The following SLC22A23 variants were observed in gnomAD, a reference collection of about 807,000 sequenced individuals.
SLC22A23 encodes the protein ion transporter protein.
SLC22A23 carries 26 observed loss-of-function variants against 61.0 expected under a neutral mutation model. The observed-to-expected ratio is 0.43, with a 90% CI of 0.31 to 0.59. The LOEUF (loss-of-function observed/expected upper bound fraction) is 0.59. SLC22A23 is among the 20% of genes least tolerant of loss of function. The pLI, the probability that SLC22A23 is intolerant of heterozygous loss-of-function variation, is 0.11. For missense variants in SLC22A23, 796 were observed against 934.7 expected (o/e 0.85, Z 1.94); for synonymous variants, 430 against 413.9 (o/e 1.04, Z -0.47).
intron 3 of SLC22A23, among the ~76,000 whole-genome samples, chr6:3,346,672 C>T (rs1427929624): frequency 3.3e-5 from 5 of 152,194 alleles, no homozygotes; most frequent in Non-Finnish European, 4.4e-5. Flanking sequence ...CCCAGCTGCA[C>T]CATCCCACAG....
intron 4 of SLC22A23, among the ~76,000 whole-genome samples, chr6:3,298,487 C>T (rs1486747177): frequency 6.6e-6 from 1 of 151,520 alleles, no homozygotes; most frequent in Non-Finnish European, 1.5e-5. Context: ...AAAGTGATCT[C>T]ATAGAAGTAA....
At chr6:3,403,506 G>A (rs991158669) in intron 3 of SLC22A23, among the ~76,000 whole-genome samples, 2 of 152,234 alleles carry the variant, frequency 1.3e-5, no homozygotes, top group African/African-American at 2.4e-5. Context: ...TGGGGAAAGG[G>A]AAGCTGTTAA....
chr6:3,335,028 A>G (rs1003065992), intron 3 of SLC22A23, among the ~76,000 whole-genome samples: 1 of 152,226 alleles, frequency 6.6e-6, no homozygotes, highest in Non-Finnish European at 1.5e-5. Context: ...CAATAAAAAG[A>G]AAAGTTGAGG....
chr6:3,376,842 T>G (rs1766601455), intron 3 of SLC22A23, among the ~76,000 whole-genome samples: 1 of 151,742 alleles, frequency 6.6e-6, no homozygotes, highest in Admixed American at 6.6e-5. Context: ...GTGGGGGAGA[T>G]GGGAAGAAGA....
rs1433633529 is a variant in SLC22A23, at chr6:3,298,112, C to T, written c.1189G>A (p.Asp397Asn). 5 of 1,572,500 alleles carry T rather than the reference C, an allele frequency of 3.2e-6. No homozygotes were observed. The highest frequency in any genetic ancestry group is 4.3e-6 in the Non-Finnish European group (5 of 1,162,930). ...TQKNRMNPEG[D>N]IKGVIPELEK... is the part of the protein sequence containing the mutation. ...TCACCTGGTATCACACCCTTGATGTCGCCCTCAGGGTTCATGCGATTCTTC... is the reference window on the plus strand; with the variant it reads ...TCACCTGGTATCACACCCTTGATGTTGCCCTCAGGGTTCATGCGATTCTTC... The change falls in exon 5 of 10, where the codon GAC becomes AAC. Residue 397 changes from aspartate (D) to asparagine (N), a missense_variant. Coordinates refer to ENST00000406686, the MANE Select transcript of SLC22A23 (RefSeq NM_015482.2).
At chr6:3,393,191 G>T (rs748863577) in intron 3 of SLC22A23, among the ~76,000 whole-genome samples, 2 of 152,180 alleles carry the variant, frequency 1.3e-5, no homozygotes, top group Non-Finnish European at 2.9e-5. Flanking sequence ...GAGCAGCGGG[G>T]GTGACGAAAG....
At chr6:3,343,475 A>G (rs1312255217) in intron 3 of SLC22A23, among the ~76,000 whole-genome samples, 2 of 150,052 alleles carry the variant, frequency 1.3e-5, no homozygotes, top group African/African-American at 5.0e-5. Flanking sequence ...ACACACACGC[A>G]CACACACACA....
chr6:3,370,519 G>GGCGGTGGC (rs1459068071), intron 3 of SLC22A23, among the ~76,000 whole-genome samples: 3 of 152,274 alleles, frequency 2.0e-5, no homozygotes, highest in Non-Finnish European at 2.9e-5. Flanking sequence ...CAGCCCTTGA[G>GGCGGTGGC]GCGGTGGCCA....
chr6:3,434,985 A>G (rs1314632432), intron 1 of SLC22A23, among the ~76,000 whole-genome samples: 1 of 152,154 alleles, frequency 6.6e-6, no homozygotes, highest in African/African-American at 2.4e-5. Context: ...CAAAGGCAAG[A>G]AAAACAGCCC....
chr6:3,417,028 A>G (rs1769763163), intron 1 of SLC22A23, among the ~76,000 whole-genome samples: 1 of 152,038 alleles, frequency 6.6e-6, no homozygotes, highest in Non-Finnish European at 1.5e-5. Flanking sequence ...CTTAGAGGGC[A>G]CTGTAAGCTC....
intron 3 of SLC22A23, among the ~76,000 whole-genome samples, chr6:3,352,083 G>GT (rs1764803255): frequency 1.4e-5 from 2 of 146,836 alleles, no homozygotes; most frequent in South Asian, 4.4e-4. Flanking sequence ...GGCTGCTGGA[G>GT]TGCTGAGAGG....
rs1341735264 is a variant in SLC22A23 at position 3,273,212 on chromosome 6, T to C, written c.1904A>G (p.His635Arg). The C allele has an allele frequency of 1.9e-6, 3 of 1,613,194 alleles. No individual in the cohort carries two copies. Among genetic ancestry groups the C allele is most frequent in the Admixed American group, 1.7e-5 (1 of 59,978 alleles). Residue 635 changes from histidine to arginine, a missense_variant, in exon 10 of 10, where the codon CAC becomes CGC. Transcript: ENST00000406686. Reference sequence around the variant, plus strand: ...CGGCAGCAGCGGCTGGCGCGTGTAGTGCTCCCCGTTAGAAATGTTCTCAGG... The same window carrying C: ...CGGCAGCAGCGGCTGGCGCGTGTAGCGCTCCCCGTTAGAAATGTTCTCAGG... ...NLPENISNGEHYTRQPLLPHK... is the reference protein window; with the variant it reads ...NLPENISNGERYTRQPLLPHK...
At chr6:3,420,563 ACTAC>A (rs1412422216) in intron 1 of SLC22A23, among the ~76,000 whole-genome samples, 1 of 152,196 alleles carries the variant, frequency 6.6e-6, no homozygotes, top group African/African-American at 2.4e-5. Flanking sequence ...AGGGGGAAAA[ACTAC>A]CTAAGGAAAC....
rs138601825 is a variant in SLC22A23 at position 3,431,201 on chromosome 6, G to A, written c.655-15346C>T. On this transcript the variant is annotated intron_variant, in intron 1 of 9. Transcript: ENST00000406686. ...GGACTGGACACTGAGTGAGATGGGCGTGGGGGCAGGTCCTGTGAGGACACA... is the reference window on the plus strand; with the variant it reads ...GGACTGGACACTGAGTGAGATGGGCATGGGGGCAGGTCCTGTGAGGACACA... Among the ~76,000 whole-genome samples, 243 of 152,330 alleles carry A rather than the reference G, an allele frequency of 1.6e-3. 2 individuals carry two copies. Among genetic ancestry groups the A allele is most frequent in the African/African-American group, 5.5e-3 (227 of 41,564 alleles).
rs1437663247 is a variant in SLC22A23, at chr6:3,272,406, C to G, written c.*649G>C. 1.3e-5 allele frequency: 2 copies of G among 152,648 alleles called. No homozygotes were observed. Among genetic ancestry groups the G allele is most frequent in the Non-Finnish European group, 2.9e-5 (2 of 68,028 alleles). The allele number at this position is 152,648 out of a possible 1,614,324, so 9.5% of individuals were successfully genotyped here. The stretch of plus-strand genomic sequence containing the variant: ...CTCCAAGAGCTTCCAGCATCAAGTA[C>G]AAAAGGATGATCCTGAAGGAAAGAT... On this transcript the variant is annotated 3_prime_UTR_variant, in exon 10 of 10. Transcript: ENST00000406686.
intron 1 of SLC22A23, among the ~76,000 whole-genome samples, chr6:3,440,070 T>G (rs1771489559): frequency 6.6e-6 from 1 of 152,050 alleles, no homozygotes; most frequent in Non-Finnish European, 1.5e-5. Flanking sequence ...GCCACTCAGC[T>G]AGGGTCCAAG....
chr6:3,307,943 A>G (rs1762102175), intron 4 of SLC22A23, among the ~76,000 whole-genome samples: 1 of 152,198 alleles, frequency 6.6e-6, no homozygotes, highest in South Asian at 2.1e-4. Context: ...GGGAGAACCT[A>G]GAGGACACCG....
chr6:3,456,353 C>T lies in SLC22A23; in HGVS notation c.207G>A (p.Ala69=). The change falls in exon 1 of 10, where the codon GCG becomes GCA. Residue 69 remains alanine (A), a synonymous_variant. Transcript: ENST00000406686. This position sits in a 1 kb window ranked among gnomAD's most constrained non-coding sequence, Gnocchi z 7.1. ...GCAACAAGAGGCTCGGGGCCGCAGC[C>T]GCGGAGCAGCAGCTCGGGTGCGGGC... ...GGGPHPSCCS[A]AAAPSLLLLD... is the part of the protein sequence containing the mutation. 2 of 1,547,648 alleles carry T rather than the reference C, an allele frequency of 1.3e-6. No individual in the cohort carries two copies. The highest frequency in any genetic ancestry group is 1.7e-6 in the Non-Finnish European group (2 of 1,145,778).
At chr6:3,285,517 C>T (rs1759907855) in intron 7 of SLC22A23, among the ~76,000 whole-genome samples, 1 of 152,208 alleles carries the variant, frequency 6.6e-6, no homozygotes, top group Non-Finnish European at 1.5e-5. Context: ...TGGTGTTCGC[C>T]TGGGGCTCCT....
Sources: gnomAD v4.1 joint callset for allele counts (sites outside exome capture counted in the v4.1 genomes callset) on GRCh38, gnomAD v4.1.1 for gene constraint, Gnocchi (gnomAD v3.1) non-coding constraint, MANE v1.5 for transcripts, NCBI Gene and HGNC (gene_info 2026-07-23, HGNC 2026-07-21) for gene names.